TIAM1: variants seen among roughly 807,000 people sequenced by gnomAD.
TIAM1 encodes the protein TIAM Rac1 associated GEF 1, also known as rho guanine nucleotide exchange factor TIAM1.
In TIAM1, 65 loss-of-function variants were observed where a neutral mutation model predicts 163.5. The ratio of observed to expected loss-of-function variants is 0.40; its 90% CI spans 0.33 to 0.49. The LOEUF is 0.49. TIAM1 is among the 20% of genes least tolerant of loss of function. The pLI is 0.77. For synonymous variants in TIAM1, 833 were observed against 810.1 expected, an observed-to-expected ratio of 1.03 and a Z score of -0.48; for missense variants, 1,789 against 2,044.7, an observed-to-expected ratio of 0.87 and a Z score of 2.41.
chr21:31,423,532 C>T (rs2043660087), intron 2 of TIAM1, among the ~76,000 whole-genome samples: 1 of 151,820 alleles, frequency 6.6e-6, no homozygotes, highest in Non-Finnish European at 1.5e-5. Context: ...TTAATATCAG[C>T]ATACTAATTC....
chr21:31,413,781 G>A (rs531691861), intron 2 of TIAM1, among the ~76,000 whole-genome samples: 1 of 152,280 alleles, frequency 6.6e-6, no homozygotes, highest in African/African-American at 2.4e-5. Flanking sequence ...CCCAGGCAAA[G>A]AACGTGCAAA....
intron 8 of TIAM1, among the ~76,000 whole-genome samples, chr21:31,222,863 G>A (rs1221560204): frequency 6.6e-6 from 1 of 150,782 alleles, no homozygotes; most frequent in Admixed American, 6.6e-5. Context: ...GATTACAGGT[G>A]TATGTCACCA....
At chr21:31,257,949 CT>C (rs2072215725) in intron 4 of TIAM1, among the ~76,000 whole-genome samples, 1 of 145,428 alleles carries the variant, frequency 6.9e-6, no homozygotes, top group Non-Finnish European at 1.5e-5. Flanking sequence ...CTCGAATGTG[CT>C]GGGCACCCTC....
At chr21:31,436,235 G>A (rs1263797577) in intron 2 of TIAM1, among the ~76,000 whole-genome samples, 1 of 152,118 alleles carries the variant, frequency 6.6e-6, no homozygotes, top group Non-Finnish European at 1.5e-5. Flanking sequence ...CAAGCACCAC[G>A]TAATATACAC....
chr21:31,535,108 C>T (rs1019778076), intron 1 of TIAM1, among the ~76,000 whole-genome samples: 7 of 147,524 alleles, frequency 4.7e-5, no homozygotes, highest in African/African-American at 1.3e-4. Context: ...AAAGGCTGAG[C>T]GCAGTGGCTC....
chr21:31,445,517 TGTC>T (rs1602296613), intron 2 of TIAM1, among the ~76,000 whole-genome samples: 1 of 152,208 alleles, frequency 6.6e-6, no homozygotes, highest in African/African-American at 2.4e-5. Flanking sequence ...CCATTCTGGA[TGTC>T]GTCTATTAAT....
chr21:31,294,830 C>A (rs1336459047), intron 2 of TIAM1, among the ~76,000 whole-genome samples: 2 of 152,140 alleles, frequency 1.3e-5, no homozygotes, highest in Non-Finnish European at 2.9e-5. Context: ...CGCACAAGCA[C>A]GGGGAAGGGG....
In TIAM1 at chr21:31,160,366, G is replaced by A. The variant is rs182222852; in HGVS notation, c.2991+4596C>T. On this transcript the variant is annotated intron_variant, in intron 16 of 27. Coordinates refer to ENST00000541036, the MANE Select transcript of TIAM1 (RefSeq NM_001353694.2). ...GGAAAGGTGTAATCACTGTCATTCGGATTGAAAAACAACTGAGCTAGAAAG... is the reference window on the plus strand; with the variant it reads ...GGAAAGGTGTAATCACTGTCATTCGAATTGAAAAACAACTGAGCTAGAAAG... The A allele has an allele frequency of 4.2e-4, 166 of 398,324 alleles. 3 individuals are homozygous for A. The East Asian group carries it at 5.9e-3, about 14-fold the overall frequency. The allele number at this position is 398,324 out of a possible 1,614,324, so 24.7% of individuals were successfully genotyped here. A position where few individuals can be genotyped will look rare whatever the true frequency, so the allele number is the denominator to read the frequency against.
At chr21:31,159,820 C>T (rs1287752630) in intron 16 of TIAM1, among the ~76,000 whole-genome samples, 1 of 152,174 alleles carries the variant, frequency 6.6e-6, no homozygotes, top group Admixed American at 6.5e-5. Flanking sequence ...TTATTTCTTG[C>T]CATTACCCCA....
chr21:31,478,709 C>G (rs943923402), intron 1 of TIAM1, among the ~76,000 whole-genome samples: 1 of 152,108 alleles, frequency 6.6e-6, no homozygotes, highest in African/African-American at 2.4e-5. Context: ...TAAAGACCAC[C>G]AAAACAATGA....
chr21:31,229,239 T>C (rs751506449), intron 6 of TIAM1, among the ~76,000 whole-genome samples: 13 of 152,088 alleles, frequency 8.5e-5, no homozygotes, highest in Non-Finnish European at 1.5e-4. Context: ...TGTTTCTTCA[T>C]CTGGGTGCTA....
At position 31,135,147 on chromosome 21, in the gene TIAM1, G is replaced by A. The variant is rs373299719; in HGVS notation, c.3883+786C>T. Among the ~76,000 whole-genome samples the A allele has an allele frequency of 2.6e-5, 4 of 152,170 alleles. No individual in the cohort carries two copies. In the South Asian group the frequency reaches 6.2e-4, roughly 24 times the overall value. On this transcript the variant is annotated intron_variant, in intron 23 of 27. Coordinates refer to ENST00000541036, the MANE Select transcript of TIAM1 (RefSeq NM_001353694.2). Reference sequence around the variant, plus strand: ...TTTTAGCAAGAGGCTAGGACAAAACGCAACCTAAAACAAAAGCATGGAGTG... The same window carrying A: ...TTTTAGCAAGAGGCTAGGACAAAACACAACCTAAAACAAAAGCATGGAGTG...
intron 2 of TIAM1, among the ~76,000 whole-genome samples, chr21:31,327,366 G>A (rs772318937): frequency 1.2e-4 from 19 of 152,108 alleles, no homozygotes; most frequent in Non-Finnish European, 2.1e-4. Flanking sequence ...TGGGCTGGGC[G>A]CAGTGGCTCA....
intron 1 of TIAM1, among the ~76,000 whole-genome samples, chr21:31,537,178 A>C (rs1432912553): frequency 1.3e-5 from 2 of 152,166 alleles, no homozygotes; most frequent in Non-Finnish European, 2.9e-5. Flanking sequence ...ACCCCTTCTT[A>C]TCTGATGACA....
At chr21:31,315,885 G>GA (rs1281275798) in intron 2 of TIAM1, among the ~76,000 whole-genome samples, 3 of 152,042 alleles carry the variant, frequency 2.0e-5, no homozygotes, top group African/African-American at 7.2e-5. Flanking sequence ...GCTGAGGCAG[G>GA]AGAATCACTT....
At chr21:31,144,690 A>G (rs1314716524) in intron 20 of TIAM1, among the ~76,000 whole-genome samples, 1 of 151,888 alleles carries the variant, frequency 6.6e-6, no homozygotes, top group Non-Finnish European at 1.5e-5. Context: ...TTAGCTGGGC[A>G]TGGTGGCGTG....
intron 2 of TIAM1, among the ~76,000 whole-genome samples, chr21:31,394,690 T>TCTCTCTCTCTCTCG (rs1491038472): frequency 2.2e-5 from 2 of 90,102 alleles, no homozygotes; most frequent in African/African-American, 9.7e-5. Context: ...CTACTCATTC[T>TCTCTCTCTCTCTCG]CTCTCTCTCT....
chr21:31,251,664 C>T, intron 5 of TIAM1, 78 bp downstream of exon 5: 2 of 1,418,098 alleles, frequency 1.4e-6, no homozygotes, highest in Non-Finnish European at 1.9e-6. Flanking sequence ...AACAAACCCA[C>T]CCATCCCGTG....
At position 31,164,971 on chromosome 21, in the gene TIAM1, G is replaced by A. The variant is rs772717468; in HGVS notation, c.2982C>T (p.His994=). 7 of 1,613,976 alleles carry A rather than the reference G, an allele frequency of 4.3e-6. No homozygotes were observed. The highest frequency in any genetic ancestry group is 5.9e-6 in the Non-Finnish European group (7 of 1,180,002). Residue 994 remains histidine, a synonymous_variant, in exon 16 of 28, where the codon CAC becomes CAT. Coordinates refer to ENST00000541036, the MANE Select transcript of TIAM1 (RefSeq NM_001353694.2). ...PDLESSDETD[H]SSKSTEQVAA... The stretch of plus-strand genomic sequence containing the variant: ...AATGAAAATCTCTCACCTTGCTGCT[G>A]TGATCAGTCTCATCTGAGGATTCCA...
Sources: gnomAD v4.1 joint callset for allele counts (sites outside exome capture counted in the v4.1 genomes callset) on GRCh38, gnomAD v4.1.1 for gene constraint, MANE v1.5 for transcripts, NCBI Gene and HGNC (gene_info 2026-07-23, HGNC 2026-07-21) for gene names.